Variants in CYP2J2 observed in about 807,000 individuals in gnomAD.
The protein encoded by CYP2J2 is cytochrome P450 2J2.
A neutral mutation model predicts 48.8 loss-of-function variants in CYP2J2; 41 were observed. The observed-to-expected ratio is 0.84, with a 90% CI of 0.66 to 1.09. CYP2J2 has a LOEUF of 1.09. Among genes scored for constraint, CYP2J2 ranks in the 50% least tolerant of loss-of-function variants. The pLI, the probability that CYP2J2 is intolerant of heterozygous loss-of-function variation, is 0.00. For synonymous variants in CYP2J2, 221 were observed against 227.1 expected (o/e 0.97, Z 0.24); for missense variants, 644 against 617.3 (o/e 1.04, Z -0.46).
At chr1:59,903,481 A>T (rs915200235) in intron 7 of CYP2J2, among the ~76,000 whole-genome samples, 2 of 152,224 alleles carry the variant, frequency 1.3e-5, no homozygotes, top group African/African-American at 2.4e-5. Flanking sequence ...CATCGGATAG[A>T]CATCGACATA....
Sources: allele counts gnomAD v4.1 joint callset (sites outside exome capture counted in the v4.1 genomes callset), GRCh38; gene constraint gnomAD v4.1.1; transcripts MANE v1.5; gene names NCBI Gene and HGNC (gene_info 2026-07-23, HGNC 2026-07-21).